PPM1B: variants seen among roughly 807,000 people sequenced by gnomAD.
PPM1B encodes the protein protein phosphatase 1B.
A neutral mutation model predicts 43.0 loss-of-function variants in PPM1B; 22 were observed. That is an observed-to-expected ratio of 0.51 (90% confidence interval 0.37 to 0.73). The LOEUF is 0.73. Among genes scored for constraint, PPM1B ranks in the 30% least tolerant of loss-of-function variants. PPM1B has a pLI of 0.00. For synonymous variants in PPM1B, 217 were observed against 197.9 expected (o/e 1.10, Z -0.81); for missense variants, 632 against 584.2 (o/e 1.08, Z -0.84).
At chr2:44,243,720 CCAT>C (rs1670798243) in intron 5 of PPM1B, among the ~76,000 whole-genome samples, 1 of 152,044 alleles carries the variant, frequency 6.6e-6, no homozygotes, top group African/African-American at 2.4e-5. Context: ...TGTGTCAGTA[CCAT>C]GTCATCTTAA....
intron 1 of PPM1B, among the ~76,000 whole-genome samples, chr2:44,180,088 G>A (rs931056517): frequency 1.3e-5 from 2 of 151,074 alleles, no homozygotes; most frequent in African/African-American, 4.9e-5. Context: ...GGATTGAAAT[G>A]AATGCTTGGA....
At chr2:44,204,256 G>GT (rs1282287824) in intron 2 of PPM1B, among the ~76,000 whole-genome samples, 10 of 152,070 alleles carry the variant, frequency 6.6e-5, no homozygotes, top group Non-Finnish European at 1.5e-4. Context: ...TATTTGTATT[G>GT]TAAAAGCAAG....
intron 2 of PPM1B, among the ~76,000 whole-genome samples, chr2:44,205,674 G>C (rs192539714): frequency 6.6e-6 from 1 of 151,910 alleles, no homozygotes; most frequent in African/African-American, 2.4e-5. Context: ...TTTGTCACCT[G>C]TTTTGTTTTT....
At chr2:44,241,175 G>C (rs1466955217) in intron 5 of PPM1B, among the ~76,000 whole-genome samples, 6 of 142,594 alleles carry the variant, frequency 4.2e-5, no homozygotes, top group Non-Finnish European at 9.4e-5. Flanking sequence ...GGCTGATTTT[G>C]TATTTTCAGT....
At chr2:44,186,771 G>T (rs1017537621) in intron 1 of PPM1B, among the ~76,000 whole-genome samples, 2 of 152,234 alleles carry the variant, frequency 1.3e-5, no homozygotes, top group African/African-American at 4.8e-5. Context: ...GGAATTTTCT[G>T]TGGTCTAGTT....
chr2:44,185,457 T>C (rs561734895), intron 1 of PPM1B, among the ~76,000 whole-genome samples: 8 of 152,354 alleles, frequency 5.3e-5, no homozygotes, highest in Admixed American at 2.6e-4. Flanking sequence ...AATTTGCGAC[T>C]AAAGCAAAAT....
chr2:44,176,490 C>T (rs865991276), intron 1 of PPM1B, among the ~76,000 whole-genome samples: 2 of 151,792 alleles, frequency 1.3e-5, no homozygotes, highest in Non-Finnish European at 2.9e-5. Flanking sequence ...TTTATCACTG[C>T]TTCTCCTTCC....
rs140703794 is a variant in PPM1B, at chr2:44,196,094, T to G, written c.-14-5092T>G. Among the ~76,000 whole-genome samples the G allele has an allele frequency of 4.3e-3, 653 of 152,350 alleles. 3 individuals are homozygous for G. Among genetic ancestry groups the G allele is most frequent in the African/African-American group, 0.015 (620 of 41,592 alleles). ...ACCCTTACAATTAATGAGCCAATAC[T>G]GATACATTGTTAACTAAAGCCCATA... is the stretch of plus-strand genomic sequence containing the variant. On this transcript the variant is annotated intron_variant, in intron 1 of 5. Coordinates refer to ENST00000282412, the MANE Select transcript of PPM1B (RefSeq NM_002706.6).
intron 5 of PPM1B, among the ~76,000 whole-genome samples, chr2:44,240,732 T>C (rs909721430): frequency 1.4e-5 from 2 of 145,916 alleles, no homozygotes; most frequent in Non-Finnish European, 3.1e-5. Context: ...GAATAACTCC[T>C]TAGCCTACTA....
chr2:44,194,850 CAG>C (rs1222215773), intron 1 of PPM1B, among the ~76,000 whole-genome samples: 1 of 151,658 alleles, frequency 6.6e-6, no homozygotes, highest in East Asian at 1.9e-4. Flanking sequence ...TCTCTAAACC[CAG>C]AGTCTCTATA....
At chr2:44,208,913 A>G (rs1465317107) in intron 2 of PPM1B, among the ~76,000 whole-genome samples, 1 of 152,170 alleles carries the variant, frequency 6.6e-6, no homozygotes, top group African/African-American at 2.4e-5. Context: ...TTGAGTGGGA[A>G]ATAGTTTAGA....
At chr2:44,179,996 C>G (rs988660696) in intron 1 of PPM1B, among the ~76,000 whole-genome samples, 1 of 132,696 alleles carries the variant, frequency 7.5e-6, no homozygotes. Context: ...GCAACAAGAG[C>G]GAAACTTCGT....
At chr2:44,236,092 A>T (rs1178445660), downstream of PPM1B, among the ~76,000 whole-genome samples, 1 of 151,744 alleles carries the variant, frequency 6.6e-6, no homozygotes, top group Non-Finnish European at 1.5e-5. Context: ...TTGCATTGTC[A>T]TTGAAAAAAA....
At chr2:44,177,864 A>G (rs368174308) in intron 1 of PPM1B, among the ~76,000 whole-genome samples, 2 of 144,962 alleles carry the variant, frequency 1.4e-5, no homozygotes, top group Non-Finnish European at 3.0e-5. Flanking sequence ...CCTTTTTTCC[A>G]TAGTATTGCA....
At chr2:44,194,792 C>G (rs1330152669) in intron 1 of PPM1B, among the ~76,000 whole-genome samples, 1 of 152,100 alleles carries the variant, frequency 6.6e-6, no homozygotes, top group Non-Finnish European at 1.5e-5. Flanking sequence ...GTTTATATCA[C>G]TGGTTTTCTG....
At chr2:44,232,229 T>A, downstream of PPM1B, 3 of 1,530,880 alleles carry the variant, frequency 2.0e-6, no homozygotes, top group Non-Finnish European at 2.7e-6. Context: ...GGTAATTTGT[T>A]CATCAATTTT....
rs546248066 is a variant in PPM1B, at chr2:44,171,528, C to G, written c.-15+2254C>G. On this transcript the variant is annotated intron_variant, in intron 1 of 5. Coordinates refer to ENST00000282412, the MANE Select transcript of PPM1B (RefSeq NM_002706.6). Reference sequence around the variant, plus strand: ...GTATCACTTAGTGATTGTGGTGATTCATTAAAAAGAGGCTATATAGGCCAG... The same window carrying G: ...GTATCACTTAGTGATTGTGGTGATTGATTAAAAAGAGGCTATATAGGCCAG... 2.0e-5 allele frequency among the ~76,000 whole-genome samples: 3 copies of G among 152,178 alleles called. No individual in the cohort carries two copies. The East Asian group carries it at 5.8e-4, about 29-fold the overall frequency.
At chr2:44,178,955 C>T (rs556568023) in intron 1 of PPM1B, among the ~76,000 whole-genome samples, 1 of 152,006 alleles carries the variant, frequency 6.6e-6, no homozygotes, top group Non-Finnish European at 1.5e-5. Context: ...ATTTTGCATT[C>T]TTTTAAAAAA....
intron 1 of PPM1B, among the ~76,000 whole-genome samples, chr2:44,187,760 T>G (rs1558396217): frequency 6.6e-6 from 1 of 151,936 alleles, no homozygotes; most frequent in Non-Finnish European, 1.5e-5. Flanking sequence ...CACCTTTACT[T>G]TTTTTTTGAA....
Sources: allele counts gnomAD v4.1 joint callset (sites outside exome capture counted in the v4.1 genomes callset), GRCh38; gene constraint gnomAD v4.1.1; transcripts MANE v1.5; gene names NCBI Gene and HGNC (gene_info 2026-07-23, HGNC 2026-07-21).